NOX4: variants seen among roughly 807,000 people sequenced by gnomAD.
NOX4 encodes kidney oxidase-1.
NOX4 carries 69 observed loss-of-function variants against 87.6 expected under a neutral mutation model. That is an observed-to-expected ratio of 0.79 (90% CI 0.65 to 0.96). The LOEUF (loss-of-function observed/expected upper bound fraction) is 0.96, where lower values mean the gene tolerates loss of function less well. NOX4 is among the 40% of genes least tolerant of loss of function. The pLI is 0.00. For synonymous variants in NOX4, 275 were observed against 238.2 expected (o/e 1.15, Z -1.42); for missense variants, 680 against 681.5 (o/e 1.00, Z 0.02).
chr11:89,584,903 T>C, the NOX4 span, among the ~76,000 whole-genome samples: 1 of 152,110 alleles, frequency 6.6e-6, no homozygotes, highest in African/African-American at 2.4e-5. Flanking sequence ...TATACAATGA[T>C]TGTCTTCATT....
chr11:89,403,123 A>G (rs1383700481), intron 8 of NOX4, among the ~76,000 whole-genome samples: 1 of 152,166 alleles, frequency 6.6e-6, no homozygotes, highest in Non-Finnish European at 1.5e-5. Flanking sequence ...CATAGACAGA[A>G]CCACATAAAA....
the NOX4 span, among the ~76,000 whole-genome samples, chr11:89,567,086 C>T: frequency 1.3e-5 from 2 of 152,156 alleles, no homozygotes; most frequent in African/African-American, 4.8e-5. Flanking sequence ...GACTATCAGA[C>T]CTGAACAGAG....
intron 11 of NOX4, 107 bp from the exon 12 acceptor site, chr11:89,373,599 A>G: frequency 7.0e-6 from 5 of 711,056 alleles, no homozygotes; most frequent in Non-Finnish European, 1.2e-5. Flanking sequence ...TCAATAGATA[A>G]CAGGAAGGAA....
chr11:89,331,949 C>T (rs1945493978), intron 17 of NOX4, among the ~76,000 whole-genome samples: 6 of 150,874 alleles, frequency 4.0e-5, no homozygotes, highest in Admixed American at 3.3e-4. Context: ...GGAATCTTTG[C>T]AATTCATTTG....
chr11:89,354,448 C>A (rs534441944), intron 13 of NOX4, among the ~76,000 whole-genome samples: 1 of 152,224 alleles, frequency 6.6e-6, no homozygotes, highest in East Asian at 1.9e-4. Context: ...CTTCACATAA[C>A]AAAGCGTCAG....
At chr11:89,377,949 C>G (rs999913956) in intron 11 of NOX4, among the ~76,000 whole-genome samples, 3 of 152,116 alleles carry the variant, frequency 2.0e-5, no homozygotes, top group Non-Finnish European at 4.4e-5. Flanking sequence ...CCAAAACTAT[C>G]TTCTCCTAAT....
At chr11:89,348,133 T>C (rs1946295260) in intron 13 of NOX4, among the ~76,000 whole-genome samples, 2 of 152,240 alleles carry the variant, frequency 1.3e-5, no homozygotes, top group Admixed American at 1.3e-4. Context: ...GACCTATGTC[T>C]CTGGTCAGGT....
the NOX4 span, among the ~76,000 whole-genome samples, chr11:89,585,033 A>G: frequency 6.6e-6 from 1 of 152,116 alleles, no homozygotes; most frequent in African/African-American, 2.4e-5. Flanking sequence ...TAGGATCCCA[A>G]CCAGGGCCTC....
chr11:89,422,617 A>G (rs1366010946), intron 7 of NOX4, among the ~76,000 whole-genome samples: 1 of 152,054 alleles, frequency 6.6e-6, no homozygotes, highest in East Asian at 1.9e-4. Flanking sequence ...ATATTAGAAT[A>G]TTGGAATTAG....
At chr11:89,484,786 G>A (rs181516060) in intron 2 of NOX4, among the ~76,000 whole-genome samples, 1 of 152,030 alleles carries the variant, frequency 6.6e-6, no homozygotes, top group East Asian at 1.9e-4. Flanking sequence ...CAAGAAAATT[G>A]TGTCTAAATA....
At chr11:89,475,552 A>G (rs561722384) in intron 2 of NOX4, among the ~76,000 whole-genome samples, 1 of 152,194 alleles carries the variant, frequency 6.6e-6, no homozygotes, top group African/African-American at 2.4e-5. Flanking sequence ...AATCTTTCAG[A>G]AGGGTATTAA....
At chr11:89,494,977 G>T (rs900444366), upstream of NOX4, among the ~76,000 whole-genome samples, 1 of 152,098 alleles carries the variant, frequency 6.6e-6, no homozygotes. Context: ...GGATCTCGCT[G>T]TGTCACCCAA....
chr11:89,445,503 A>C (rs1222512117), intron 4 of NOX4, among the ~76,000 whole-genome samples: 6 of 152,166 alleles, frequency 3.9e-5, no homozygotes, highest in Non-Finnish European at 7.4e-5. Context: ...AATGTATGGT[A>C]TTAGCAAAAG....
chr11:89,446,123 T>C (rs572528691), intron 4 of NOX4, among the ~76,000 whole-genome samples: 1 of 152,186 alleles, frequency 6.6e-6, no homozygotes, highest in Middle Eastern at 3.4e-3. Flanking sequence ...TGATCCACAT[T>C]ATATAACATC....
chr11:89,490,621 C>A (rs1003943283), intron 1 of NOX4, 68 bp from the exon 2 acceptor site: 2 of 1,135,226 alleles, frequency 1.8e-6, no homozygotes, highest in African/African-American at 3.0e-5. Flanking sequence ...TGAATAGAAA[C>A]CACAGGTAAA....
At chr11:89,493,719 G>GGTTT (rs759906859), upstream of NOX4, among the ~76,000 whole-genome samples, 4 of 132,184 alleles carry the variant, frequency 3.0e-5, no homozygotes, top group African/African-American at 1.1e-4. Context: ...AAGCCAGATT[G>GGTTT]TTTTATTATT....
chr11:89,395,433 T>C (rs1317242340), intron 11 of NOX4, among the ~76,000 whole-genome samples: 2 of 152,166 alleles, frequency 1.3e-5, no homozygotes, highest in Non-Finnish European at 2.9e-5. Context: ...ATTGCAAAAA[T>C]TTTCTCCCAT....
chr11:89,446,748 G>A (rs1200799541), intron 4 of NOX4, among the ~76,000 whole-genome samples: 1 of 152,124 alleles, frequency 6.6e-6, no homozygotes, highest in Non-Finnish European at 1.5e-5. Context: ...GAGCACAGAG[G>A]ATTTTTAGGG....
At chr11:89,428,541 C>CA (rs1591211773) in intron 7 of NOX4, among the ~76,000 whole-genome samples, 1 of 151,098 alleles carries the variant, frequency 6.6e-6, no homozygotes, top group African/African-American at 2.4e-5. Context: ...AAATGGAAAA[C>CA]AAAAAAAGGC....
Sources: gnomAD v4.1 joint callset for allele counts (sites outside exome capture counted in the v4.1 genomes callset) on GRCh38, gnomAD v4.1.1 for gene constraint, MANE v1.5 for transcripts, NCBI Gene and HGNC (gene_info 2026-07-23, HGNC 2026-07-21) for gene names.